DDX19B: variants seen among roughly 807,000 people sequenced by gnomAD.
The protein encoded by DDX19B is ATP-dependent RNA helicase DDX19B.
A neutral mutation model predicts 58.1 loss-of-function variants in DDX19B; 27 were observed. That is an observed-to-expected ratio of 0.46 (90% CI 0.34 to 0.64). The LOEUF is 0.64. Ranked by LOEUF, DDX19B falls within the 30% of genes least tolerant of loss-of-function variation. The pLI is 0.01. For synonymous variants in DDX19B, 187 were observed against 214.4 expected, an observed-to-expected ratio of 0.87 and a Z score of 1.12; for missense variants, 399 against 596.5, an observed-to-expected ratio of 0.67 and a Z score of 3.45.
At chr16:70,307,950 TTTTA>T (rs1284908715) in intron 1 of DDX19B, among the ~76,000 whole-genome samples, 1 of 150,804 alleles carries the variant, frequency 6.6e-6, no homozygotes, top group Admixed American at 6.6e-5. Context: ...ATGTATTTAT[TTTTA>T]TTTATTTATT....
In DDX19B at chr16:70,325,650, C is replaced by G; in HGVS notation, c.569C>G (p.Pro190Arg). 1.2e-6 allele frequency: 2 copies of G among 1,614,092 alleles called. No homozygotes were observed. The highest frequency in any genetic ancestry group is 1.7e-6 in the Non-Finnish European group (2 of 1,179,994). ...ATTGAACAAATGGGCAAATTTTACCCTGAACTGAAGCTAGCTTATGCTGTT... is the reference window on the plus strand; with the variant it reads ...ATTGAACAAATGGGCAAATTTTACCGTGAACTGAAGCTAGCTTATGCTGTT... Reference protein sequence around the residue: ...KVIEQMGKFYPELKLAYAVRG... With the variant: ...KVIEQMGKFYRELKLAYAVRG... Residue 190 changes from proline (P) to arginine (R), a missense_variant, in exon 7 of 12, where the codon CCT (proline) becomes CGT (arginine). Physicochemically the swap from Pro to Arg is moderately radical, Grantham distance 103 (BLOSUM62 -2). This residue lies in a region of DDX19B where 67 missense variants were observed against 74.3 expected (regional missense o/e 0.90). Transcript: ENST00000288071.
intron 1 of DDX19B, among the ~76,000 whole-genome samples, chr16:70,308,562 G>C (rs887353233): frequency 6.6e-6 from 1 of 151,724 alleles, no homozygotes; most frequent in Non-Finnish European, 1.5e-5. Flanking sequence ...TAGGAGATGG[G>C]GTCTCACTAT....
chr16:70,330,135 G>A, intron 9 of DDX19B, 67 bp downstream of exon 9: 2 of 1,576,668 alleles, frequency 1.3e-6, no homozygotes, highest in South Asian at 1.1e-5. Context: ...GGGCTCAGGA[G>A]GACTGGATGC....
At chr16:70,325,429 G>GC in intron 6 of DDX19B, 145 bp from the exon 7 acceptor site, 1 of 620,034 alleles carries the variant, frequency 1.6e-6, no homozygotes, top group Non-Finnish European at 2.8e-6. Flanking sequence ...TGACTCTGTA[G>GC]CTTAAAGAAT....
intron 5 of DDX19B, among the ~76,000 whole-genome samples, chr16:70,321,950 G>T (rs1428241714): frequency 6.6e-6 from 1 of 151,852 alleles, no homozygotes; most frequent in South Asian, 2.1e-4. Flanking sequence ...CAAAAGAATC[G>T]CTTGAACCTG....
At chr16:70,312,075 C>T (rs1053955130) in intron 1 of DDX19B, among the ~76,000 whole-genome samples, 7 of 152,114 alleles carry the variant, frequency 4.6e-5, no homozygotes, top group Non-Finnish European at 7.3e-5. Context: ...CTCTTGACCT[C>T]GTGATCTGCC....
chr16:70,300,652 C>G (rs1262001117), intron 1 of DDX19B, among the ~76,000 whole-genome samples: 1 of 152,158 alleles, frequency 6.6e-6, no homozygotes, highest in Non-Finnish European at 1.5e-5. Context: ...ACCTCAGCTT[C>G]CTGAGTAACC....
chr16:70,308,342 C>A (rs1280624032), intron 1 of DDX19B, among the ~76,000 whole-genome samples: 2 of 152,060 alleles, frequency 1.3e-5, no homozygotes, highest in Non-Finnish European at 2.9e-5. Flanking sequence ...CAACCTCCAA[C>A]TCCCAGGTTC....
upstream of DDX19B, chr16:70,295,149 C>A: frequency 9.6e-7 from 1 of 1,046,322 alleles, no homozygotes; most frequent in East Asian, 3.3e-5. Context: ...AATTCCAATC[C>A]AGATGCTCTT....
chr16:70,317,207 C>CAA (rs562635193), intron 4 of DDX19B: 569 of 54,060 alleles, frequency 0.011, 4 homozygotes, highest in African/African-American at 0.032. Context: ...GACTCTGTCT[C>CAA]AAAAAAAAAA....
chr16:70,308,700 G>T (rs1264299003), intron 1 of DDX19B, among the ~76,000 whole-genome samples: 1 of 151,444 alleles, frequency 6.6e-6, no homozygotes, highest in Non-Finnish European at 1.5e-5. Flanking sequence ...CTTTATAGAG[G>T]TGGAGTCTCA....
intron 1 of DDX19B, among the ~76,000 whole-genome samples, chr16:70,301,145 G>A (rs1012848395): frequency 1.3e-5 from 2 of 151,990 alleles, no homozygotes; most frequent in Non-Finnish European, 2.9e-5. Context: ...GGATCTCTTG[G>A]ATCCCTTCCT....
At chr16:70,294,955 C>T (rs1432540745), upstream of DDX19B, 1 of 1,467,554 alleles carries the variant, frequency 6.8e-7, no homozygotes, top group Non-Finnish European at 9.0e-7. Flanking sequence ...ACCCTTTCCT[C>T]CCACGTTTAG....
rs1962498232 is a variant in DDX19B at position 70,317,513 on chromosome 16, A to G, written c.314A>G (p.Gln105Arg). 2.5e-6 allele frequency: 4 copies of G among 1,612,876 alleles called. No individual in the cohort carries two copies. The African/African-American group carries it at 5.3e-5, about 22-fold the overall frequency. Residue 105 changes from glutamine (Q) to arginine (R), a missense_variant, in exon 5 of 12, where the codon CAA becomes CGA. Around this residue, in one of 4 missense-constraint regions of DDX19B, gnomAD observed 132 missense variants for 159.4 expected, o/e 0.83. Transcript: ENST00000288071. ...TTTTCTAGGAAACCACAGCTTCTCC[A>G]AGGAGTCTATGCCATGGGTTTCAAT... The part of the protein sequence containing the change: ...EELRLKPQLL[Q>R]GVYAMGFNRP...
In DDX19B at chr16:70,325,754, C is replaced by T. The variant is rs569456895; in HGVS notation, c.607+66C>T. 1.4e-5 allele frequency: 17 copies of T among 1,179,040 alleles called. No individual in the cohort carries two copies. The African/African-American group carries it at 1.7e-4, about 12-fold the overall frequency. The allele number at this position is 1,179,040 out of a possible 1,614,324, so 73.0% of individuals were successfully genotyped here. A position where few individuals can be genotyped will look rare whatever the true frequency, so the allele number is the denominator to read the frequency against. On this transcript the variant is annotated intron_variant, in intron 7 of 11. Coordinates refer to ENST00000288071, the MANE Select transcript of DDX19B (RefSeq NM_007242.7). The stretch of plus-strand genomic sequence containing the variant: ...TTTTTATTTTGAAATATTTCAAAAC[C>T]CACCCAATAGTTGAAATAATACAAT...
intron 1 of DDX19B, among the ~76,000 whole-genome samples, chr16:70,306,457 G>A (rs568892280): frequency 6.6e-5 from 10 of 152,292 alleles, no homozygotes; most frequent in African/African-American, 1.9e-4. Context: ...GGCCATTCAG[G>A]TCAGGTTAAA....
chr16:70,329,616 C>G, intron 8 of DDX19B, 147 bp downstream of exon 8: 1 of 1,344,832 alleles, frequency 7.4e-7, no homozygotes, highest in Non-Finnish European at 1.0e-6. Context: ...TCCGTGTCAG[C>G]GCTGGCCACA....
intron 5 of DDX19B, among the ~76,000 whole-genome samples, chr16:70,323,492 C>A (rs1157478011): frequency 6.6e-6 from 1 of 150,766 alleles, no homozygotes; most frequent in African/African-American, 2.4e-5. Context: ...GGCGCGATCT[C>A]GGCTCACTGC....
At position 70,319,260 on chromosome 16, in the gene DDX19B, T is replaced by G. The variant is rs532561430; in HGVS notation, c.389+1672T>G. On this transcript the variant is annotated intron_variant, in intron 5 of 11. Transcript: ENST00000288071. ...TATATAAAAGCTATTGTGTCAAATA[T>G]AATAGAAGCCAAACAGCTCTAGGAG... 2.6e-5 allele frequency among the ~76,000 whole-genome samples: 4 copies of G among 152,332 alleles called. No individual in the cohort carries two copies. The East Asian group carries it at 5.8e-4, about 22-fold the overall frequency.
Sources: gnomAD v4.1 joint callset for allele counts (sites outside exome capture counted in the v4.1 genomes callset) on GRCh38, gnomAD v4.1.1 for gene constraint, gnomAD v4.1.1 regional missense constraint, MANE v1.5 for transcripts, NCBI Gene and HGNC (gene_info 2026-07-23, HGNC 2026-07-21) for gene names.